UBTF: variants seen among roughly 807,000 people sequenced by gnomAD.
UBTF encodes the protein upstream binding transcription factor.
In UBTF, 8 loss-of-function variants were observed where a neutral mutation model predicts 112.3. That is an observed-to-expected ratio of 0.07 (90% confidence interval 0.04 to 0.13). The LOEUF is 0.13. Ranked by LOEUF, UBTF falls within the 10% of genes least tolerant of loss-of-function variation. The pLI, the probability that UBTF is intolerant of heterozygous loss-of-function variation, is 1.00. For missense variants in UBTF, 457 were observed against 982.1 expected, an observed-to-expected ratio of 0.47 and a Z score of 7.15; for synonymous variants, 417 against 373.1, an observed-to-expected ratio of 1.12 and a Z score of -1.36.
At chr17:44,218,366 CAGAGT>C in intron 1 of UBTF, 70 bp from the exon 2 acceptor site, 1 of 879,636 alleles carries the variant, frequency 1.1e-6, no homozygotes, top group Non-Finnish European at 1.8e-6. Context: ...TCTAACCGCC[CAGAGT>C]AGAAGGGGGC....
At position 44,206,726 on chromosome 17, in the gene UBTF, A is replaced by C. The variant is rs543312323; in HGVS notation, c.*516T>G. Reference sequence around the variant, plus strand: ...CCTGCAGGGGGCAGGGGAGAGGGCCACCAGGGCAGTGCCTGTTTTCTTGAA... The same window carrying C: ...CCTGCAGGGGGCAGGGGAGAGGGCCCCCAGGGCAGTGCCTGTTTTCTTGAA... On this transcript the variant is annotated 3_prime_UTR_variant, in exon 21 of 21. Coordinates refer to ENST00000436088, the MANE Select transcript of UBTF (RefSeq NM_014233.4). 3 of 165,852 alleles carry C rather than the reference A, an allele frequency of 1.8e-5. No individual in the cohort carries two copies. Among genetic ancestry groups the C allele is most frequent in the East Asian group, 1.8e-4 (1 of 5,614 alleles). The allele number at this position is 165,852 out of a possible 1,614,324, so 10.3% of individuals were successfully genotyped here.
intron 7 of UBTF, 109 bp from the exon 8 acceptor site, chr17:44,212,563 A>G: frequency 9.6e-7 from 1 of 1,041,520 alleles, no homozygotes; most frequent in Non-Finnish European, 1.4e-6. Flanking sequence ...GGGAGGTCAC[A>G]TCAGTGTCCC....
At chr17:44,207,433 A>G (rs2056321123) in intron 20 of UBTF, 21 bp downstream of exon 20, 1 of 1,612,196 alleles carries the variant, frequency 6.2e-7, no homozygotes, top group South Asian at 1.1e-5. Context: ...CTCCCCTCCC[A>G]CTGTGCCCTG....
In UBTF at chr17:44,207,347, G is replaced by C. The variant is rs769326008; in HGVS notation, c.2190C>G (p.Asp730Glu). ...CATCGTCATCCTCGTCGTCGTCTTC[G>C]TCCTCGTCATCCTCTTCATTCTGGG... Reference protein sequence around the residue: ...DGDENEEDDEDEDDDEDDDED... With the variant: ...DGDENEEDDEEEDDDEDDDED... The change falls in exon 21 of 21, where the codon GAC becomes GAG. Residue 730 changes from aspartate to glutamate, a missense_variant. Asp to Glu is a conservative substitution (Grantham distance 45, BLOSUM62 2). Around this residue, in one of 7 missense-constraint regions of UBTF, gnomAD observed 139 missense variants for 157.5 expected, o/e 0.88. Coordinates refer to ENST00000436088, the MANE Select transcript of UBTF (RefSeq NM_014233.4). 1.9e-6 allele frequency: 3 copies of C among 1,612,326 alleles called. No individual in the cohort carries two copies. Among genetic ancestry groups the C allele is most frequent in the Non-Finnish European group, 1.7e-6 (2 of 1,179,380 alleles).
rs749925683 is a variant in UBTF at position 44,210,266 on chromosome 17, G to A, written c.1516-32C>T. 10 of 1,614,146 alleles carry A rather than the reference G, an allele frequency of 6.2e-6. No individual in the cohort carries two copies. In the African/African-American group the frequency reaches 8.0e-5, roughly 13 times the overall value. On this transcript the variant is annotated intron_variant, in intron 14 of 20. Transcript: ENST00000436088. ...ACCAATAAGGGTATCAGCCGTGGGAGGGGTCACCCGGGGCTAGAGGCTGCA... is the reference window on the plus strand; with the variant it reads ...ACCAATAAGGGTATCAGCCGTGGGAAGGGTCACCCGGGGCTAGAGGCTGCA...
chr17:44,209,748 G>A lies in UBTF; in HGVS notation c.1627-15C>T. The stretch of plus-strand genomic sequence containing the variant: ...CTCAGCTCTCTCTGGAGGGAGAAAG[G>A]TCACGCTCACCCCCCAGTCCCACCC... On this transcript the variant is annotated splice_polypyrimidine_tract_variant and intron_variant, in intron 15 of 20. Transcript: ENST00000436088. 4 of 1,613,204 alleles carry A rather than the reference G, an allele frequency of 2.5e-6. No individual in the cohort carries two copies. The highest frequency in any genetic ancestry group is 3.4e-6 in the Non-Finnish European group (4 of 1,179,538).
chr17:44,212,737 A>G, intron 7 of UBTF, 82 bp downstream of exon 7: 1 of 1,582,090 alleles, frequency 6.3e-7, no homozygotes, highest in Non-Finnish European at 8.6e-7. Flanking sequence ...GCTCCCCTGC[A>G]CCGTGCCCGG....
chr17:44,210,976 T>C (rs1403969730), intron 12 of UBTF, 29 bp from the exon 13 acceptor site: 1 of 1,600,972 alleles, frequency 6.2e-7, no homozygotes, highest in South Asian at 1.1e-5. Context: ...TCGGGGTCCG[T>C]GGGTGCTGCC....
chr17:44,217,730 T>A (rs2046917155), intron 2 of UBTF, among the ~76,000 whole-genome samples: 2 of 152,180 alleles, frequency 1.3e-5, no homozygotes, highest in Admixed American at 1.3e-4. Context: ...TGAGTACATA[T>A]ATCCCATGGC....
At position 44,211,078 on chromosome 17, in the gene UBTF, G is replaced by A. The variant is rs2056644220; in HGVS notation, c.1164C>T (p.Thr388=). ...KMLNINKKQA[T]SPASKKPAQE... ...GGGCTGGCTTCTTGGAGGCGGGGCTGGTGGCCTGCTTCTTGTTGATGTTCA... is the reference window on the plus strand; with the variant it reads ...GGGCTGGCTTCTTGGAGGCGGGGCTAGTGGCCTGCTTCTTGTTGATGTTCA... The change falls in exon 12 of 21, where the codon ACC becomes ACT. Residue 388 remains threonine (T), a synonymous_variant. Coordinates refer to ENST00000436088, the MANE Select transcript of UBTF (RefSeq NM_014233.4). The surrounding 1 kb of genome is among the most constrained non-coding windows in gnomAD (Gnocchi z 4.9). 8 of 1,612,750 alleles carry A rather than the reference G, an allele frequency of 5.0e-6. No homozygotes were observed. The highest frequency in any genetic ancestry group is 6.8e-6 in the Non-Finnish European group (8 of 1,179,976).
intron 17 of UBTF, 178 bp downstream of exon 17, chr17:44,209,174 A>T (rs2056485810): frequency 5.4e-6 from 2 of 371,086 alleles, no homozygotes; most frequent in South Asian, 5.4e-5. Context: ...CTCAAAAAAT[A>T]AAAAAAAAAA....
At chr17:44,212,030 G>A (rs1457097578) in intron 8 of UBTF, 24 bp from the exon 9 acceptor site, 1 of 1,610,092 alleles carries the variant, frequency 6.2e-7, no homozygotes, top group East Asian at 2.2e-5. Flanking sequence ...TGGGGGGACG[G>A]AGGGCAATGG....
chr17:44,218,027 A>T, intron 2 of UBTF, 145 bp downstream of exon 2: 1 of 856,782 alleles, frequency 1.2e-6, no homozygotes, highest in Non-Finnish European at 1.9e-6. Flanking sequence ...AGTGTGGGAG[A>T]TGCTTGATTC....
intron 7 of UBTF, 55 bp downstream of exon 7, chr17:44,212,763 TC>T: frequency 1.9e-6 from 3 of 1,602,068 alleles, no homozygotes; most frequent in Non-Finnish European, 1.7e-6. Context: ...CTGGCGCGGC[TC>T]CCCCCTGGCC....
intron 2 of UBTF, 101 bp downstream of exon 2, chr17:44,218,071 G>A (rs1462750533): frequency 3.4e-6 from 4 of 1,172,484 alleles, no homozygotes; most frequent in Admixed American, 1.8e-5. Flanking sequence ...CCCCAGTTCA[G>A]TGTATGCAGA....
At chr17:44,218,744 C>G (rs910070884) in intron 1 of UBTF, among the ~76,000 whole-genome samples, 5 of 151,498 alleles carry the variant, frequency 3.3e-5, no homozygotes, top group African/African-American at 1.2e-4. Flanking sequence ...CCTCCCGCCT[C>G]CCCCCGGCCG....
At chr17:44,210,548 G>C (rs1201325952) in intron 13 of UBTF, 75 bp from the exon 14 acceptor site, 2 of 1,461,420 alleles carry the variant, frequency 1.4e-6, no homozygotes, top group South Asian at 2.8e-5. Context: ...CAGCCCAGGC[G>C]CTCCCGCCGG....
Position 44,211,384 on chromosome 17 carries a change from C to T in UBTF, c.1048-53G>A. On this transcript the variant is annotated intron_variant, in intron 10 of 20. Transcript: ENST00000436088. This position sits in a 1 kb window ranked among gnomAD's most constrained non-coding sequence, Gnocchi z 4.9. ...GTCTGGAGACAGTGTCACCACAGAC[C>T]CTGCAGTACTCGGAGGACAGTGACC... 1 of 1,608,844 alleles carries T rather than the reference C, an allele frequency of 6.2e-7. No individual in the cohort carries two copies. The highest frequency in any genetic ancestry group is 8.5e-7 in the Non-Finnish European group (1 of 1,176,520).
chr17:44,220,060 C>T (rs1400331112), upstream of UBTF, among the ~76,000 whole-genome samples: 2 of 112,932 alleles, frequency 1.8e-5, no homozygotes, highest in South Asian at 3.1e-4. Context: ...GCGGCTGCTG[C>T]TGCTGCTGCT....
Sources: allele counts gnomAD v4.1 joint callset (sites outside exome capture counted in the v4.1 genomes callset), GRCh38; gene constraint gnomAD v4.1.1; regional missense constraint gnomAD v4.1.1; non-coding constraint Gnocchi (gnomAD v3.1); transcripts MANE v1.5; gene names NCBI Gene and HGNC (gene_info 2026-07-23, HGNC 2026-07-21).